The following MTX2 variants were observed in gnomAD, a reference collection of about 807,000 sequenced individuals.
MTX2 encodes metaxin-2.
A neutral mutation model predicts 42.3 loss-of-function variants in MTX2; 35 were observed. The ratio of observed to expected loss-of-function variants is 0.83; its 90% CI spans 0.63 to 1.10. The LOEUF (loss-of-function observed/expected upper bound fraction) is 1.10, where lower values mean the gene tolerates loss of function less well. Among genes scored for constraint, MTX2 ranks in the 50% least tolerant of loss-of-function variants. MTX2 has a pLI of 0.00. For missense variants in MTX2, 307 were observed against 304.1 expected (o/e 1.01, Z -0.07); for synonymous variants, 119 against 100.9 (o/e 1.18, Z -1.08).
At chr2:176,297,040 G>A (rs1056724988) in intron 2 of MTX2, 133 bp downstream of exon 2, 1 of 1,016,130 alleles carries the variant, frequency 9.8e-7, no homozygotes, top group Non-Finnish European at 1.5e-6. Context: ...ATTTGTCTAG[G>A]AGGTTTTACC....
intron 1 of MTX2, among the ~76,000 whole-genome samples, chr2:176,292,135 T>C (rs1334784179): frequency 6.6e-6 from 1 of 152,156 alleles, no homozygotes; most frequent in East Asian, 1.9e-4. Flanking sequence ...TACCAACCCC[T>C]TTTTTAGAAA....
chr2:176,306,090 G>A (rs1053578903), intron 3 of MTX2, among the ~76,000 whole-genome samples: 13 of 151,516 alleles, frequency 8.6e-5, no homozygotes, highest in African/African-American at 2.4e-4. Context: ...ACAGGCCCCA[G>A]TGTGTGATGT....
At chr2:176,327,685 G>A (rs1684742368) in intron 5 of MTX2, among the ~76,000 whole-genome samples, 1 of 149,878 alleles carries the variant, frequency 6.7e-6, no homozygotes, top group African/African-American at 2.4e-5. Flanking sequence ...TTTTTATAGA[G>A]TACTAAGATA....
At chr2:176,319,310 G>C (rs575576044) in intron 3 of MTX2, among the ~76,000 whole-genome samples, 2 of 152,160 alleles carry the variant, frequency 1.3e-5, no homozygotes, top group Admixed American at 1.3e-4. Flanking sequence ...CAAAGCGGAA[G>C]GTGACAGTGA....
At chr2:176,273,373 T>C (rs1336844655) in intron 1 of MTX2, among the ~76,000 whole-genome samples, 1 of 152,228 alleles carries the variant, frequency 6.6e-6, no homozygotes, top group East Asian at 1.9e-4. Flanking sequence ...CTATTCACAG[T>C]GTTCTGTTTC....
chr2:176,297,036 C>G, intron 2 of MTX2, 129 bp downstream of exon 2: 1 of 1,044,854 alleles, frequency 9.6e-7, no homozygotes. Context: ...TATAATTTGT[C>G]TAGGAGGTTT....
intron 4 of MTX2, among the ~76,000 whole-genome samples, chr2:176,324,705 C>G (rs1684668966): frequency 6.6e-6 from 1 of 151,618 alleles, no homozygotes; most frequent in Non-Finnish European, 1.5e-5. Flanking sequence ...AATTACTATA[C>G]TTAGTGTCAT....
chr2:176,271,942 CAG>C (rs1692822546), intron 1 of MTX2, among the ~76,000 whole-genome samples: 1 of 152,178 alleles, frequency 6.6e-6, no homozygotes, highest in Non-Finnish European at 1.5e-5. Context: ...GAGGTATGTG[CAG>C]TCCCATGTTC....
At chr2:176,270,845 AT>A in intron 1 of MTX2, among the ~76,000 whole-genome samples, 1 of 152,104 alleles carries the variant, frequency 6.6e-6, no homozygotes, top group Non-Finnish European at 1.5e-5. Context: ...CTCAATAAAT[AT>A]TTGCGACCCA....
At chr2:176,271,697 G>A (rs1421442216) in intron 1 of MTX2, among the ~76,000 whole-genome samples, 3 of 152,142 alleles carry the variant, frequency 2.0e-5, no homozygotes, top group Non-Finnish European at 2.9e-5. Flanking sequence ...TTTTGGGAAC[G>A]TAATGTAGCA....
rs572064742 is a variant in MTX2, at chr2:176,289,656, A to G, written c.41-7204A>G. On this transcript the variant is annotated intron_variant, in intron 1 of 9. Transcript: ENST00000249442. ...AGAATACTATTAGAATAGTAATTCT[A>G]ATTTTAAAGGGTGAATTAATGTAGG... Among the ~76,000 whole-genome samples, 5 of 152,162 alleles carry G rather than the reference A, an allele frequency of 3.3e-5. No individual in the cohort carries two copies. In the East Asian group the frequency reaches 5.8e-4, roughly 18 times the overall value.
At chr2:176,287,402 C>T (rs767376557) in intron 1 of MTX2, among the ~76,000 whole-genome samples, 14 of 152,096 alleles carry the variant, frequency 9.2e-5, no homozygotes, top group Non-Finnish European at 1.6e-4. Context: ...CTCCAAAATC[C>T]AAAACTTTTT....
intron 1 of MTX2, among the ~76,000 whole-genome samples, chr2:176,287,897 CTTT>C (rs35080426): frequency 4.3e-5 from 6 of 140,234 alleles, no homozygotes; most frequent in Admixed American, 7.1e-5. Flanking sequence ...ATACTGACTG[CTTT>C]TTTTTTTTTT....
At chr2:176,316,018 CA>C (rs146170010) in intron 3 of MTX2, among the ~76,000 whole-genome samples, 6,119 of 152,228 alleles carry the variant, frequency 0.04, 402 homozygotes, top group African/African-American at 0.14. Context: ...GTGTAAACCC[CA>C]TAAGGACTAA....
intron 1 of MTX2, among the ~76,000 whole-genome samples, chr2:176,282,632 A>G (rs1167444726): frequency 2.0e-5 from 3 of 151,884 alleles, no homozygotes; most frequent in African/African-American, 4.8e-5. Flanking sequence ...TAATGTGTAT[A>G]TTAAGAATTA....
At chr2:176,313,975 A>G (rs2105430940) in intron 3 of MTX2, among the ~76,000 whole-genome samples, 1 of 152,310 alleles carries the variant, frequency 6.6e-6, no homozygotes, top group Non-Finnish European at 1.5e-5. Context: ...CACAGTAGCC[A>G]CCAAGGCTGA....
intron 1 of MTX2, among the ~76,000 whole-genome samples, 185 bp downstream of exon 1, chr2:176,269,854 C>T (rs988203829): frequency 2.1e-4 from 32 of 152,114 alleles, no homozygotes; most frequent in Admixed American, 2.1e-3. Flanking sequence ...AGACACTTGG[C>T]CAAGGTCACC....
intron 9 of MTX2, among the ~76,000 whole-genome samples, chr2:176,337,124 C>T (rs1291542139): frequency 1.3e-5 from 2 of 152,110 alleles, no homozygotes; most frequent in Non-Finnish European, 2.9e-5. Flanking sequence ...TCACTGCAAC[C>T]TCCACCTCCC....
intron 9 of MTX2, among the ~76,000 whole-genome samples, chr2:176,335,526 A>C (rs1266328904): frequency 1.3e-5 from 2 of 152,086 alleles, no homozygotes; most frequent in African/African-American, 2.4e-5. Context: ...TTAGGAGGCT[A>C]TCTCAGTGGT....
Sources: allele counts gnomAD v4.1 joint callset (sites outside exome capture counted in the v4.1 genomes callset), GRCh38; gene constraint gnomAD v4.1.1; transcripts MANE v1.5; gene names NCBI Gene and HGNC (gene_info 2026-07-23, HGNC 2026-07-21).